Variants in CHIT1 observed in about 807,000 individuals in gnomAD.
CHIT1 encodes the protein chitotriosidase-1.
A neutral mutation model predicts 52.0 loss-of-function variants in CHIT1; 47 were observed. That is an observed-to-expected ratio of 0.90 (90% CI 0.71 to 1.15). The LOEUF is 1.15. CHIT1 is among the 50% of genes most tolerant of loss of function. The pLI is 0.00. For synonymous variants in CHIT1, 242 were observed against 228.2 expected, an observed-to-expected ratio of 1.06 and a Z score of -0.54; for missense variants, 569 against 583.0, an observed-to-expected ratio of 0.98 and a Z score of 0.25.
At chr1:203,219,912 G>C (rs1656672963) in intron 7 of CHIT1, 63 bp from the exon 8 acceptor site, 1 of 1,585,744 alleles carries the variant, frequency 6.3e-7, no homozygotes, top group South Asian at 1.1e-5. Context: ...ATCTAAGTCT[G>C]GGGGATCCAG....
At chr1:203,228,421 G>GA in intron 2 of CHIT1, 112 bp downstream of exon 2, 3 of 1,153,082 alleles carry the variant, frequency 2.6e-6, no homozygotes, top group Non-Finnish European at 3.8e-6. Context: ...CTTTGGAAGA[G>GA]AGTCCCCACT....
At position 203,216,342 on chromosome 1, in the gene CHIT1, C is replaced by A. The variant is rs1656524630; in HGVS notation, c.*547G>T. On this transcript the variant is annotated 3_prime_UTR_variant, in exon 11 of 11. Coordinates refer to ENST00000367229, the MANE Select transcript of CHIT1 (RefSeq NM_003465.3). ...CTTAGTGTAATGCTGAGTGGCTGCT[C>A]GCAGAGCGCTTAAATCAGGGAAAAG... 6.6e-6 allele frequency: 3 copies of A among 453,940 alleles called. No individual in the cohort carries two copies. The highest frequency in any genetic ancestry group is 8.8e-6 in the Non-Finnish European group (2 of 226,802). The allele number at this position is 453,940 out of a possible 1,614,324, so 28.1% of individuals were successfully genotyped here.
Position 203,225,857 on chromosome 1 carries a change from T to C in CHIT1, c.69A>G (p.Lys23=). 10 of 1,614,064 alleles carry C rather than the reference T, an allele frequency of 6.2e-6. No individual in the cohort carries two copies. Among genetic ancestry groups the C allele is most frequent in the Non-Finnish European group, 8.5e-6 (10 of 1,180,006 alleles). ...CCCAGTTGGTGAAGTAGCAGACCAGTTTTGCAGCAGAGCCTGGCCCGTTGG... is the reference window on the plus strand; with the variant it reads ...CCCAGTTGGTGAAGTAGCAGACCAGCTTTGCAGCAGAGCCTGGCCCGTTGG... The part of the protein sequence containing the change: ...LLMIPWGSAA[K]LVCYFTNWAQ... Residue 23 remains lysine (K), a synonymous_variant, in exon 3 of 11, where the codon AAA becomes AAG. Transcript: ENST00000367229.
chr1:203,227,534 G>A (rs897684082), intron 2 of CHIT1, among the ~76,000 whole-genome samples: 41 of 152,174 alleles, frequency 2.7e-4, no homozygotes, highest in African/African-American at 8.9e-4. Flanking sequence ...CAACTTACTC[G>A]CTGTGCGACT....
At chr1:203,217,347 T>G in intron 10 of CHIT1, 5 of 1,516,548 alleles carry the variant, frequency 3.3e-6, no homozygotes, top group Non-Finnish European at 4.4e-6. Flanking sequence ...GCCTCACATG[T>G]GACAGGCAGT....
chr1:203,217,590 C>A, intron 10 of CHIT1, 149 bp downstream of exon 10: 1 of 1,341,920 alleles, frequency 7.5e-7, no homozygotes. Flanking sequence ...TTCCTTAGCT[C>A]CTGCGGGTAC....
Position 203,224,954 on chromosome 1 carries a change from G to T in CHIT1, c.314+94C>A, listed in dbSNP as rs185227509. 60 of 1,169,740 alleles carry T rather than the reference G, an allele frequency of 5.1e-5. 2 individuals are homozygous for T. The African/African-American group carries it at 6.6e-4, about 13-fold the overall frequency. 72.5% of individuals were successfully genotyped at this position (1,169,740 alleles called of 1,614,324 possible). The stretch of plus-strand genomic sequence containing the variant: ...TCCCCTTTCCCCTGACCACACCTCA[G>T]CCTGGCCTGATTCCCTGACCAGGGC... On this transcript the variant is annotated intron_variant, in intron 4 of 10. Transcript: ENST00000367229.
At position 203,216,485 on chromosome 1, in the gene CHIT1, G is replaced by A. The variant is rs1257987983; in HGVS notation, c.*404C>T. On this transcript the variant is annotated 3_prime_UTR_variant, in exon 11 of 11. Coordinates refer to ENST00000367229, the MANE Select transcript of CHIT1 (RefSeq NM_003465.3). ...CAAAGAACGTGTTGCACTTGGGGCC[G>A]CGCTCTGGCTGCCATCACCTGTGTA... 6.3e-5 allele frequency: 29 copies of A among 457,976 alleles called. No homozygotes were observed. Among genetic ancestry groups the A allele is most frequent in the Non-Finnish European group, 1.0e-4 (24 of 229,684 alleles). The allele number at this position is 457,976 out of a possible 1,614,324, so 28.4% of individuals were successfully genotyped here.
chr1:203,218,016 G>C (rs753266805), intron 9 of CHIT1, 151 bp from the exon 10 acceptor site: 1 of 1,534,272 alleles, frequency 6.5e-7, no homozygotes, highest in South Asian at 1.2e-5. Flanking sequence ...CTTGGGCTGG[G>C]AGCCTGGATG....
chr1:203,223,320 GC>G (rs3216011), intron 5 of CHIT1, 61 bp from the exon 6 acceptor site: 325,420 of 1,612,688 alleles, frequency 0.2, 38,689 homozygotes, highest in East Asian at 0.54. Context: ...GCCCCTGTGA[GC>G]CCCAGGTAGA....
Position 203,229,606 on chromosome 1 carries a change from G to C in CHIT1, c.25+6C>G, listed in dbSNP as rs781719411. ...CCGAGACCCAGCCCACTATCCGACG[G>C]CTCACCTGCCCAGGCCACAGACCGC... is the stretch of plus-strand genomic sequence containing the variant. On this transcript the variant is annotated splice_donor_region_variant and intron_variant, in intron 1 of 10. Coordinates refer to ENST00000367229, the MANE Select transcript of CHIT1 (RefSeq NM_003465.3). 2 of 1,613,958 alleles carry C rather than the reference G, an allele frequency of 1.2e-6. No individual in the cohort carries two copies. Among genetic ancestry groups the C allele is most frequent in the Non-Finnish European group, 1.7e-6 (2 of 1,179,958 alleles).
At chr1:203,225,498 C>T (rs975524084) in intron 3 of CHIT1, among the ~76,000 whole-genome samples, 171 bp downstream of exon 3, 1 of 152,120 alleles carries the variant, frequency 6.6e-6, no homozygotes, top group Non-Finnish European at 1.5e-5. Flanking sequence ...CTAAGCAAAC[C>T]CTACCTCTTT....
Position 203,229,617 on chromosome 1 carries a change from C to A in CHIT1, c.20G>T (p.Trp7Leu), listed in dbSNP as rs1472655392. 3 of 1,614,120 alleles carry A rather than the reference C, an allele frequency of 1.9e-6. No homozygotes were observed. The South Asian group carries it at 3.3e-5, about 18-fold the overall frequency. Residue 7 changes from tryptophan (W) to leucine (L), a missense_variant, in exon 1 of 11, where the codon TGG (tryptophan) becomes TTG (leucine). Physicochemically the swap from Trp to Leu is moderately conservative, Grantham distance 61. Transcript: ENST00000367229. ...CCCACTATCCGACGGCTCACCTGCC[C>A]AGGCCACAGACCGCACCATGATGCA... Reference protein sequence around the residue: MVRSVAWAGFMVLLMIP... With the variant: MVRSVALAGFMVLLMIP...
At chr1:203,229,712 T>C, upstream of CHIT1, 1 of 1,471,588 alleles carries the variant, frequency 6.8e-7, no homozygotes, top group South Asian at 1.1e-5. Flanking sequence ...CTGGCCACCC[T>C]GTCCCACCCC....
chr1:203,220,506 A>G (rs2486959), intron 7 of CHIT1, among the ~76,000 whole-genome samples: 34,793 of 152,080 alleles, frequency 0.23, 4,651 homozygotes, highest in East Asian at 0.6. Flanking sequence ...CCCTGATTAT[A>G]TATTACTTGG....
intron 9 of CHIT1, chr1:203,218,189 G>C: frequency 8.5e-7 from 1 of 1,171,170 alleles, no homozygotes; most frequent in South Asian, 1.3e-5. Flanking sequence ...GGGCTGAGCT[G>C]CTTTATTTAA....
rs1656815583 is a variant in CHIT1, at chr1:203,223,490, C to T, written c.480+5G>A. ...ACTGGTGATCCCCGCCCCGCCCAGCCATACCTGTACCAGGGTTGTGAAGCG... is the reference window on the plus strand; with the variant it reads ...ACTGGTGATCCCCGCCCCGCCCAGCTATACCTGTACCAGGGTTGTGAAGCG... On this transcript the variant is annotated splice_donor_5th_base_variant and intron_variant, in intron 5 of 10. Coordinates refer to ENST00000367229, the MANE Select transcript of CHIT1 (RefSeq NM_003465.3). 6.2e-7 allele frequency: 1 copy of T among 1,614,000 alleles called. No homozygotes were observed. The highest frequency in any genetic ancestry group is 8.5e-7 in the Non-Finnish European group (1 of 1,180,032).
intron 10 of CHIT1, 174 bp from the exon 11 acceptor site, chr1:203,217,307 G>GTTGT: frequency 6.5e-7 from 1 of 1,537,234 alleles, no homozygotes; most frequent in Non-Finnish European, 8.7e-7. Flanking sequence ...CATACCTACA[G>GTTGT]CTGAAGCACA....
intron 4 of CHIT1, 128 bp downstream of exon 4, chr1:203,224,920 C>T: frequency 2.4e-6 from 2 of 839,270 alleles, no homozygotes; most frequent in Non-Finnish European, 2.0e-6. Flanking sequence ...CCTCAGAGTT[C>T]AGCTCCCCTC....
Sources: gnomAD v4.1 joint callset for allele counts (sites outside exome capture counted in the v4.1 genomes callset) on GRCh38, gnomAD v4.1.1 for gene constraint, MANE v1.5 for transcripts, NCBI Gene and HGNC (gene_info 2026-07-23, HGNC 2026-07-21) for gene names.